The following FNIP2 variants were observed in gnomAD, a reference collection of about 807,000 sequenced individuals.
FNIP2 encodes the protein folliculin interacting protein 2.
Under a neutral mutation model 108.7 loss-of-function variants are expected in FNIP2, and 32 were observed. The observed-to-expected ratio is 0.29, with a 90% CI of 0.22 to 0.40. The LOEUF (loss-of-function observed/expected upper bound fraction) is 0.40. Among genes scored for constraint, FNIP2 ranks in the 10% least tolerant of loss-of-function variants. The pLI is 1.00. For synonymous variants in FNIP2, 480 were observed against 496.7 expected (o/e 0.97, Z 0.45); for missense variants, 1,202 against 1,381.6 (o/e 0.87, Z 2.06).
intron 3 of FNIP2, 47 bp from the exon 4 acceptor site, chr4:158,831,814 A>C (rs774459841): frequency 8.3e-7 from 1 of 1,198,496 alleles, no homozygotes; most frequent in African/African-American, 1.5e-5. Flanking sequence ...GTTGCATTGC[A>C]TGTCATGTTC....
chr4:158,852,953 C>T (rs1258665700), intron 8 of FNIP2, among the ~76,000 whole-genome samples: 1 of 151,540 alleles, frequency 6.6e-6, no homozygotes, highest in Non-Finnish European at 1.5e-5. Flanking sequence ...TGGGCCAGTG[C>T]AAAATAAAAA....
chr4:158,826,437 G>T (rs1323423562), intron 2 of FNIP2, among the ~76,000 whole-genome samples: 2 of 152,198 alleles, frequency 1.3e-5, no homozygotes, highest in African/African-American at 4.8e-5. Context: ...TCTGTCCAGT[G>T]TTTCTCATGG....
intron 1 of FNIP2, among the ~76,000 whole-genome samples, chr4:158,822,704 A>G (rs1046755970): frequency 2.6e-5 from 4 of 152,076 alleles, no homozygotes; most frequent in Non-Finnish European, 5.9e-5. Context: ...TTGCTATGTC[A>G]TCCAGTCTTG....
At chr4:158,826,395 A>G (rs938606977) in intron 2 of FNIP2, among the ~76,000 whole-genome samples, 1 of 152,250 alleles carries the variant, frequency 6.6e-6, no homozygotes, top group Non-Finnish European at 1.5e-5. Flanking sequence ...TCTAAAATTC[A>G]TAAAGTGATA....
intron 1 of FNIP2, among the ~76,000 whole-genome samples, chr4:158,802,508 C>CA (rs1175792996): frequency 1.3e-5 from 2 of 152,070 alleles, no homozygotes; most frequent in African/African-American, 4.8e-5. Context: ...TTTTCTCCTC[C>CA]AAGCTACGTT....
intron 1 of FNIP2, among the ~76,000 whole-genome samples, chr4:158,788,320 C>T (rs1776290371): frequency 1.3e-5 from 2 of 152,212 alleles, no homozygotes; most frequent in South Asian, 4.1e-4. Context: ...CTTACTACTC[C>T]CCTCTGAGGA....
At chr4:158,832,717 A>C (rs1041842702) in intron 5 of FNIP2, among the ~76,000 whole-genome samples, 1 of 152,180 alleles carries the variant, frequency 6.6e-6, no homozygotes, top group Non-Finnish European at 1.5e-5. Flanking sequence ...CTTCAACAAA[A>C]CAGTTTGAAC....
At chr4:158,830,323 C>CGCAA (rs1778406302) in intron 3 of FNIP2, among the ~76,000 whole-genome samples, 1 of 139,770 alleles carries the variant, frequency 7.2e-6, no homozygotes, top group Non-Finnish European at 1.5e-5. Context: ...ACTGCAGTGG[C>CGCAA]GCAATCTCGG....
chr4:158,881,214 T>C (rs1325646170), intron 14 of FNIP2, among the ~76,000 whole-genome samples: 1 of 148,370 alleles, frequency 6.7e-6, no homozygotes, highest in Non-Finnish European at 1.5e-5. Context: ...TCTCCCTCTC[T>C]TTCCACGGTC....
At chr4:158,822,385 T>C (rs574209220) in intron 1 of FNIP2, among the ~76,000 whole-genome samples, 1 of 152,214 alleles carries the variant, frequency 6.6e-6, no homozygotes, top group African/African-American at 2.4e-5. Context: ...AGTTTCACCC[T>C]GTTGCCCACA....
At chr4:158,802,009 A>G (rs149288262) in intron 1 of FNIP2, among the ~76,000 whole-genome samples, 2 of 152,254 alleles carry the variant, frequency 1.3e-5, no homozygotes, top group East Asian at 3.9e-4. Flanking sequence ...ACCTTAATCT[A>G]CTGGCTGTGG....
chr4:158,769,777 TTTC>T (rs1775632121), intron 1 of FNIP2, among the ~76,000 whole-genome samples: 1 of 152,250 alleles, frequency 6.6e-6, no homozygotes, highest in Admixed American at 6.5e-5. Context: ...AAAAGGCATC[TTTC>T]TTCTTTCTTG....
At position 158,825,950 on chromosome 4, in the gene FNIP2, C is replaced by T; in HGVS notation, c.142C>T (p.Arg48Cys). 1 of 1,608,512 alleles carries T rather than the reference C, an allele frequency of 6.2e-7. No homozygotes were observed. Among genetic ancestry groups the T allele is most frequent in the Non-Finnish European group, 8.5e-7 (1 of 1,175,466 alleles). Residue 48 changes from arginine to cysteine, a missense_variant, in exon 2 of 17, where the codon CGC becomes TGC. This residue lies in a region of FNIP2 where 173 missense variants were observed against 165.9 expected (regional missense o/e 1.04). Transcript: ENST00000264433. ...SCSEFDLNEI[R>C]LIVYQDCDRR... is the part of the protein sequence containing the mutation. ...TTCGGAGTTTGACCTGAATGAGATT[C>T]GCCTGATAGTTTACCAGGACTGTGA...
Position 158,788,384 on chromosome 4 carries a change from G to A in FNIP2, c.107+19065G>A, listed in dbSNP as rs553144106. On this transcript the variant is annotated intron_variant, in intron 1 of 16. Coordinates refer to ENST00000264433, the MANE Select transcript of FNIP2 (RefSeq NM_020840.3). ...ACTTTGCAATATAAGCACTTGGCAT[G>A]TATAGGCACAAGACAAATGTCTGAA... Among the ~76,000 whole-genome samples, 20 of 152,342 alleles carry A rather than the reference G, an allele frequency of 1.3e-4. 1 individual carries two copies. The South Asian group carries it at 3.7e-3, about 28-fold the overall frequency.
chr4:158,864,225 A>G (rs1421225473), intron 12 of FNIP2, among the ~76,000 whole-genome samples: 2 of 152,082 alleles, frequency 1.3e-5, no homozygotes, highest in African/African-American at 2.4e-5. Context: ...GAGTTTTGCC[A>G]TGTTTTGCAG....
At position 158,851,261 on chromosome 4, in the gene FNIP2, T is replaced by C; in HGVS notation, c.728-60T>C. On this transcript the variant is annotated intron_variant, in intron 7 of 16. Transcript: ENST00000264433. ...TTAAATACATTCTTAATGTTGTGCA[T>C]TATGTAGCTACATGAGGACTAATTG... 1.9e-6 allele frequency: 3 copies of C among 1,581,002 alleles called. No individual in the cohort carries two copies. The Admixed American group carries it at 5.0e-5, about 27-fold the overall frequency.
intron 2 of FNIP2, among the ~76,000 whole-genome samples, chr4:158,827,829 C>A (rs556874466): frequency 6.6e-6 from 1 of 152,090 alleles, no homozygotes; most frequent in Non-Finnish European, 1.5e-5. Flanking sequence ...CAGTCCCCAC[C>A]GCCCCAGCCT....
chr4:158,874,175 A>G (rs1157747961), intron 14 of FNIP2, among the ~76,000 whole-genome samples: 2 of 152,234 alleles, frequency 1.3e-5, no homozygotes, highest in African/African-American at 4.8e-5. Flanking sequence ...CAGATGAAAT[A>G]TGATTCAGTG....
chr4:158,865,180 A>G (rs1457279639), intron 12 of FNIP2, among the ~76,000 whole-genome samples: 1 of 152,198 alleles, frequency 6.6e-6, no homozygotes, highest in African/African-American at 2.4e-5. Flanking sequence ...AATTGAGGTA[A>G]AAAGCATATA....
Sources: gnomAD v4.1 joint callset for allele counts (sites outside exome capture counted in the v4.1 genomes callset) on GRCh38, gnomAD v4.1.1 for gene constraint, gnomAD v4.1.1 regional missense constraint, MANE v1.5 for transcripts, NCBI Gene and HGNC (gene_info 2026-07-23, HGNC 2026-07-21) for gene names.